Variants in GOSR2 observed in about 807,000 individuals in gnomAD.
GOSR2 encodes the protein golgi SNAP receptor complex member 2, also known as 27 kDa Golgi SNARE protein.
Under a neutral mutation model 27.9 loss-of-function variants are expected in GOSR2, and 20 were observed. That is an observed-to-expected ratio of 0.72 (90% CI 0.50 to 1.04). GOSR2 has a LOEUF of 1.04. GOSR2 is among the 50% of genes least tolerant of loss of function. The pLI is 0.00. For missense variants in GOSR2, 261 were observed against 270.5 expected, an observed-to-expected ratio of 0.97 and a Z score of 0.25; for synonymous variants, 91 against 98.8, an observed-to-expected ratio of 0.92 and a Z score of 0.47.
At chr17:46,936,877 G>A in intron 5 of GOSR2, 1 of 973,520 alleles carries the variant, frequency 1.0e-6, no homozygotes, top group South Asian at 4.8e-5. Context: ...TTTCTGGGCA[G>A]AATGTAGATT....
rs199504020 is a variant in GOSR2, at chr17:46,932,165, G to A, written c.302G>A (p.Arg101Gln). 17 of 1,614,136 alleles carry A rather than the reference G, an allele frequency of 1.1e-5. No individual in the cohort carries two copies. Among genetic ancestry groups the A allele is most frequent in the African/African-American group, 4.0e-5 (3 of 75,048 alleles). Residue 101 changes from arginine (R) to glutamine (Q), a missense_variant, in exon 4 of 6, where the codon CGA becomes CAA. Physicochemically the swap from Arg to Gln is conservative, Grantham distance 43. Transcript: ENST00000640051. ...RHAREQQERQ[R>Q]EELLSRTFTT... is the part of the protein sequence containing the mutation. The stretch of plus-strand genomic sequence containing the variant: ...GCAAGGGAGCAGCAGGAGAGACAGC[G>A]AGAAGAGCTTCTGTCTCGAACCTTC...
At chr17:46,936,775 C>G in intron 5 of GOSR2, 1 of 982,684 alleles carries the variant, frequency 1.0e-6, no homozygotes, top group Non-Finnish European at 1.2e-6. Flanking sequence ...TTGTCACTAT[C>G]TCGGGGAAAA....
At chr17:46,937,057 C>T (rs1290261254) in intron 5 of GOSR2, 1 of 152,888 alleles carries the variant, frequency 6.5e-6, no homozygotes, top group Admixed American at 6.6e-5. Flanking sequence ...TGGGGTCTGC[C>T]CCGGCATTCA....
chr17:46,942,366 G>C (rs939749433), downstream of GOSR2, among the ~76,000 whole-genome samples: 1 of 152,168 alleles, frequency 6.6e-6, no homozygotes, highest in East Asian at 1.9e-4. Flanking sequence ...TCTCACTTAT[G>C]TTCTCCATCA....
At position 46,940,647 on chromosome 17, in the gene GOSR2, C is replaced by T. The variant is rs1226123732; in HGVS notation, c.*1887C>T. The T allele has an allele frequency of 1.2e-6, 2 of 1,613,758 alleles. No homozygotes were observed. Among genetic ancestry groups the T allele is most frequent in the Admixed American group, 3.3e-5 (2 of 60,026 alleles). On this transcript the variant is annotated 3_prime_UTR_variant, in exon 6 of 6. Transcript: ENST00000640051. ...TTCTTGAACTCTGGGAGGCAGAAGT[C>T]CCCGCACCCATCATGCGTGGACTGA...
intron 6 of GOSR2, among the ~76,000 whole-genome samples, chr17:46,947,315 C>G (rs565929039): frequency 6.6e-6 from 1 of 152,300 alleles, no homozygotes; most frequent in African/African-American, 2.4e-5. Flanking sequence ...TTGTTAGTCT[C>G]TCTCCCAGGA....
downstream of GOSR2, chr17:46,967,005 T>C (rs977613990): frequency 8.4e-5 from 20 of 237,620 alleles, no homozygotes; most frequent in Non-Finnish European, 1.5e-4. Context: ...CTGTGATGTG[T>C]GAAGTCCCTT....
chr17:46,964,951 T>C (rs1266612413), intron 6 of GOSR2: 1 of 152,246 alleles, frequency 6.6e-6, no homozygotes, highest in Non-Finnish European at 1.5e-5. Context: ...TCCAAGGTGA[T>C]GTGGCCTTTC....
Position 46,941,282 on chromosome 17 carries a change from T to A in GOSR2, c.*2522T>A. ...CTTTGCCCTGATGAATTTGAATGGGTTTGATTTGCAAATTTGGATTTACAC... is the reference window on the plus strand; with the variant it reads ...CTTTGCCCTGATGAATTTGAATGGGATTGATTTGCAAATTTGGATTTACAC... On this transcript the variant is annotated 3_prime_UTR_variant, in exon 6 of 6. Coordinates refer to ENST00000640051, the MANE Select transcript of GOSR2 (RefSeq NM_004287.5). The A allele has an allele frequency of 2.0e-6, 2 of 985,952 alleles. No individual in the cohort carries two copies. The highest frequency in any genetic ancestry group is 2.4e-6 in the Non-Finnish European group (2 of 830,298). The allele number at this position is 985,952 out of a possible 1,614,324, so 61.1% of individuals were successfully genotyped here. A position where few individuals can be genotyped will look rare whatever the true frequency, so the allele number is the denominator to read the frequency against.
chr17:46,942,237 A>G (rs137862156), downstream of GOSR2, among the ~76,000 whole-genome samples: 3,760 of 152,328 alleles, frequency 0.025, 67 homozygotes, highest in Middle Eastern at 0.085. Flanking sequence ...TTACTGTCTC[A>G]ACCGGGGGGT....
At chr17:46,923,387 G>T in intron 1 of GOSR2, 166 bp downstream of exon 1, 1 of 1,464,848 alleles carries the variant, frequency 6.8e-7, no homozygotes, top group Non-Finnish European at 9.0e-7. Flanking sequence ...GGGACTCCCA[G>T]GTCAGCCACA....
chr17:46,943,906 G>A (rs1454609510), downstream of GOSR2, among the ~76,000 whole-genome samples: 2 of 152,258 alleles, frequency 1.3e-5, no homozygotes, highest in East Asian at 1.9e-4. Context: ...GCGATCCCTC[G>A]GTCTGATGGT....
Position 46,974,718 on chromosome 17 carries a change from A to G in GOSR2, c.616-481A>G, listed in dbSNP as rs375779363. On this transcript the variant is annotated intron_variant, in intron 6 of 6. Transcript: ENST00000640723. ...CACTGCACTCCAGCCTGGGGGACAG[A>G]GCAAGACTCTCTCTCAAAAAAAAAA... Among the ~76,000 whole-genome samples, 9 of 139,506 alleles carry G rather than the reference A, an allele frequency of 6.5e-5. No individual in the cohort carries two copies. In the East Asian group the frequency reaches 1.9e-3, roughly 30 times the overall value. The allele number at this position is 139,506 out of a possible 152,430, so 91.5% of individuals were successfully genotyped here.
downstream of GOSR2, among the ~76,000 whole-genome samples, chr17:46,946,402 A>G (rs927207335): frequency 6.7e-5 from 10 of 150,076 alleles, no homozygotes; most frequent in Non-Finnish European, 1.3e-4. Context: ...CGGAGGTTGC[A>G]GTGAGCCGAG....
At chr17:46,948,533 T>C (rs1434677008) in intron 6 of GOSR2, 1 of 152,266 alleles carries the variant, frequency 6.6e-6, no homozygotes, top group Non-Finnish European at 1.5e-5. Flanking sequence ...TCATTACCTA[T>C]TAGGACTTGC....
chr17:46,950,864 A>T (rs2090288859), intron 6 of GOSR2, among the ~76,000 whole-genome samples: 1 of 152,216 alleles, frequency 6.6e-6, no homozygotes, highest in Non-Finnish European at 1.5e-5. Context: ...ACCAAGCCAG[A>T]CTTTCTGGGG....
Position 46,938,478 on chromosome 17 carries a change from G to C in GOSR2, c.478-121G>C, listed in dbSNP as rs893208222. On this transcript the variant is annotated intron_variant, in intron 5 of 5. Transcript: ENST00000640051. ...CTATTTCTGGCTGATATTGCTTTCTGTGTATTCTGGGCATGACCAAGAGAA... is the reference window on the plus strand; with the variant it reads ...CTATTTCTGGCTGATATTGCTTTCTCTGTATTCTGGGCATGACCAAGAGAA... 23 of 1,484,636 alleles carry C rather than the reference G, an allele frequency of 1.5e-5. No homozygotes were observed. In the South Asian group the frequency reaches 1.9e-4, roughly 12 times the overall value. 92.0% of individuals were successfully genotyped at this position (1,484,636 alleles called of 1,614,324 possible). A position where few individuals can be genotyped will look rare whatever the true frequency, so the allele number is the denominator to read the frequency against.
At chr17:46,970,150 T>C (rs2091376298), downstream of GOSR2, among the ~76,000 whole-genome samples, 1 of 152,190 alleles carries the variant, frequency 6.6e-6, no homozygotes, top group Non-Finnish European at 1.5e-5. Context: ...GATCAGTAAA[T>C]GTGGTTCCAT....
At chr17:46,954,353 C>T (rs974716129) in intron 6 of GOSR2, among the ~76,000 whole-genome samples, 6 of 152,072 alleles carry the variant, frequency 3.9e-5, no homozygotes, top group East Asian at 1.9e-4. Context: ...AGTAGATAAG[C>T]GGCATTATTT....
Sources: allele counts gnomAD v4.1 joint callset (sites outside exome capture counted in the v4.1 genomes callset), GRCh38; gene constraint gnomAD v4.1.1; transcripts MANE v1.5; gene names NCBI Gene and HGNC (gene_info 2026-07-23, HGNC 2026-07-21).